TRPM3: variants seen among roughly 807,000 people sequenced by gnomAD.
The protein encoded by TRPM3 is transient receptor potential cation channel subfamily M member 3, also known as long transient receptor potential channel 3.
Under a neutral mutation model 181.2 loss-of-function variants are expected in TRPM3, and 77 were observed. That is an observed-to-expected ratio of 0.42 (90% CI 0.35 to 0.51). TRPM3 has a LOEUF of 0.51. Among genes scored for constraint, TRPM3 ranks in the 20% least tolerant of loss-of-function variants. The pLI, the probability that TRPM3 is intolerant of heterozygous loss-of-function variation, is 0.01. For missense variants in TRPM3, 1,759 were observed against 2,196.7 expected (o/e 0.80, Z 3.98); for synonymous variants, 745 against 796.4 (o/e 0.94, Z 1.09).
chr9:71,395,260 C>A (rs567216627), intron 1 of TRPM3, among the ~76,000 whole-genome samples: 65 of 152,296 alleles, frequency 4.3e-4, no homozygotes, highest in Non-Finnish European at 6.8e-4. Flanking sequence ...CTCTTGTACT[C>A]AATTTGGCAC....
rs1171544609 is a variant in TRPM3, at chr9:70,686,607, TCCCGC to T, written c.1273-5034_1273-5030del. Among the ~76,000 whole-genome samples, 64 of 80,206 alleles carry T rather than the reference TCCCGC, an allele frequency of 8.0e-4. No homozygotes were observed. The South Asian group carries it at 0.026, about 33-fold the overall frequency. 52.6% of individuals were successfully genotyped at this position (80,206 alleles called of 152,430 possible). On this transcript the variant is annotated intron_variant, in intron 8 of 25. Coordinates refer to ENST00000677713, the MANE Select transcript of TRPM3 (RefSeq NM_001366145.2). ...CTCCCTCCCTCCCTCCCTCCCTCCC[TCCCGC>T]CCTTCCTGGAAACTCCTTCCTCCCT...
intron 9 of TRPM3, among the ~76,000 whole-genome samples, chr9:70,679,079 G>C (rs1001788210): frequency 1.3e-5 from 2 of 152,174 alleles, no homozygotes; most frequent in Admixed American, 6.5e-5. Flanking sequence ...TTAATCTTCT[G>C]TGGCAGTGTT....
At chr9:71,282,694 T>C (rs1035611219) in intron 1 of TRPM3, among the ~76,000 whole-genome samples, 32 of 152,342 alleles carry the variant, frequency 2.1e-4, no homozygotes, top group African/African-American at 6.3e-4. Context: ...ACTTAAACCA[T>C]AGGAGAGATG....
intron 1 of TRPM3, among the ~76,000 whole-genome samples, chr9:71,305,335 A>G (rs764636781): frequency 1.7e-4 from 26 of 152,198 alleles, no homozygotes; most frequent in Admixed American, 3.9e-4. Flanking sequence ...TAGACATTCT[A>G]GCAAAAATAA....
At chr9:70,657,269 A>G (rs1175533126) in intron 9 of TRPM3, among the ~76,000 whole-genome samples, 1 of 131,228 alleles carries the variant, frequency 7.6e-6, no homozygotes, top group African/African-American at 2.8e-5. Flanking sequence ...TTCTTAAGGA[A>G]TGTATTTACT....
At chr9:70,931,482 G>A (rs1479236812) in intron 1 of TRPM3, among the ~76,000 whole-genome samples, 2 of 151,958 alleles carry the variant, frequency 1.3e-5, no homozygotes, top group African/African-American at 4.8e-5. Context: ...AAATAGAGTT[G>A]TATACAAAGA....
At chr9:71,442,059 C>A (rs935426621) in intron 1 of TRPM3, among the ~76,000 whole-genome samples, 4 of 152,210 alleles carry the variant, frequency 2.6e-5, no homozygotes, top group African/African-American at 9.6e-5. Context: ...ATCCCTCCTG[C>A]ACGCACAGCA....
intron 1 of TRPM3, chr9:70,916,918 C>T: frequency 9.8e-7 from 1 of 1,025,394 alleles, no homozygotes; most frequent in Non-Finnish European, 1.4e-6. Context: ...GTTCACTTCT[C>T]TTTAGATACT....
At chr9:70,631,629 C>T (rs771619905) in intron 12 of TRPM3, among the ~76,000 whole-genome samples, 3 of 152,178 alleles carry the variant, frequency 2.0e-5, no homozygotes, top group Non-Finnish European at 2.9e-5. Flanking sequence ...ACTTGGGCCA[C>T]TCTGGTTTAA....
chr9:70,607,730 C>T (rs2061412160), intron 19 of TRPM3, among the ~76,000 whole-genome samples: 1 of 152,156 alleles, frequency 6.6e-6, no homozygotes, highest in Admixed American at 6.5e-5. Flanking sequence ...AACAAAACTC[C>T]CTTGTCATCA....
chr9:71,127,862 C>T (rs2074140573), intron 1 of TRPM3, among the ~76,000 whole-genome samples: 1 of 152,110 alleles, frequency 6.6e-6, no homozygotes, highest in African/African-American at 2.4e-5. Flanking sequence ...CCTTCATCTG[C>T]AAACTGGGGA....
rs1030367721 is a variant in TRPM3, at chr9:71,412,137, T to C, written c.183+34516A>G. 2.0e-5 allele frequency among the ~76,000 whole-genome samples: 3 copies of C among 152,170 alleles called. No homozygotes were observed. The South Asian group carries it at 6.2e-4, about 32-fold the overall frequency. ...GACTTAAATGTTAGACCTAAAACCA[T>C]AAAAACCCTAGAAGAAAACCTAGGC... On this transcript the variant is annotated intron_variant, in intron 1 of 24. Transcript: ENST00000357533.
At chr9:70,939,125 C>T (rs1438909959) in intron 1 of TRPM3, among the ~76,000 whole-genome samples, 1 of 152,152 alleles carries the variant, frequency 6.6e-6, no homozygotes, top group Non-Finnish European at 1.5e-5. Flanking sequence ...GCAGGTGATG[C>T]CTCTCTATTT....
chr9:70,848,259 T>TA (rs1231706440), intron 3 of TRPM3, among the ~76,000 whole-genome samples: 3 of 152,058 alleles, frequency 2.0e-5, no homozygotes, highest in Admixed American at 2.0e-4. Context: ...ATGGATAAGT[T>TA]AAATTAAATA....
chr9:70,916,857 A>G, intron 1 of TRPM3: 1 of 575,118 alleles, frequency 1.7e-6, no homozygotes, highest in East Asian at 2.8e-5. Flanking sequence ...CTGAACTGGC[A>G]ATCATAAATC....
chr9:71,142,028 G>C (rs1025847287), intron 1 of TRPM3, among the ~76,000 whole-genome samples: 10 of 152,160 alleles, frequency 6.6e-5, no homozygotes, highest in Admixed American at 6.6e-4. Context: ...TAAGTAGAAA[G>C]AGTTTTGTCA....
chr9:71,239,044 C>T (rs778327745), intron 1 of TRPM3, among the ~76,000 whole-genome samples: 1 of 152,018 alleles, frequency 6.6e-6, no homozygotes, highest in East Asian at 1.9e-4. Context: ...CTTGAGATCA[C>T]CTTCCCTACC....
In TRPM3 at chr9:70,591,214, G is replaced by T. The variant is rs762890390; in HGVS notation, c.3049-9C>A. On this transcript the variant is annotated splice_polypyrimidine_tract_variant and intron_variant, in intron 21 of 25. Coordinates refer to ENST00000677713, the MANE Select transcript of TRPM3 (RefSeq NM_001366145.2). ...TACATCATGTCTATCATCTGGAAGG[G>T]TGGGGAAGCAGAGGGAGAAACAAGA... 6.2e-7 allele frequency: 1 copy of T among 1,612,374 alleles called. No homozygotes were observed. Among genetic ancestry groups the T allele is most frequent in the South Asian group, 1.1e-5 (1 of 91,028 alleles).
At chr9:70,993,961 T>C (rs772337532) in intron 1 of TRPM3, among the ~76,000 whole-genome samples, 1 of 152,072 alleles carries the variant, frequency 6.6e-6, no homozygotes, top group Non-Finnish European at 1.5e-5. Flanking sequence ...ATGACATTCA[T>C]GTCACAGAGG....
Sources: allele counts gnomAD v4.1 joint callset (sites outside exome capture counted in the v4.1 genomes callset), GRCh38; gene constraint gnomAD v4.1.1; transcripts MANE v1.5; gene names NCBI Gene and HGNC (gene_info 2026-07-23, HGNC 2026-07-21).